The following CHM variants were observed in gnomAD, a reference collection of about 807,000 sequenced individuals.
The protein encoded by CHM is CHM Rab escort protein.
CHM carries 10 observed loss-of-function variants against 49.0 expected under a neutral mutation model. That is an observed-to-expected ratio of 0.20 (90% CI 0.13 to 0.35). CHM has a LOEUF of 0.35. Among genes scored for constraint, CHM ranks in the 10% least tolerant of loss-of-function variants. The pLI, the probability that CHM is intolerant of heterozygous loss-of-function variation, is 1.00. For missense variants in CHM, 455 were observed against 478.4 expected, an observed-to-expected ratio of 0.95 and a Z score of 0.46; for synonymous variants, 184 against 167.5, an observed-to-expected ratio of 1.10 and a Z score of -0.76.
intron 4 of CHM, among the ~76,000 whole-genome samples, chrX:85,973,300 C>CAAAAAA (rs58103002): frequency 0.022 from 359 of 16,336 alleles, 69 homozygotes; most frequent in Admixed American, 0.024. Context: ...TCTGTCTCGA[C>CAAAAAA]AAAAAAAAAA....
At chrX:86,040,230 G>A (rs61060229) in intron 1 of CHM, among the ~76,000 whole-genome samples, 5,101 of 111,933 alleles carry the variant, frequency 0.046, 124 homozygotes, top group African/African-American at 0.099. Flanking sequence ...CACCACCCCC[G>A]GAGATGCTAC....
chrX:85,963,272 TTCA>T (rs1423012105), intron 5 of CHM, among the ~76,000 whole-genome samples: 28 of 112,035 alleles, frequency 2.5e-4, no homozygotes, highest in African/African-American at 9.1e-4. Flanking sequence ...ATTCTGAGTA[TTCA>T]TCATCATACA....
At chrX:85,994,181 C>CA (rs2147734914) in intron 2 of CHM, among the ~76,000 whole-genome samples, 1 of 112,392 alleles carries the variant, frequency 8.9e-6, no homozygotes, top group South Asian at 3.7e-4. Context: ...AGCATGACCT[C>CA]AGTCAGTAAT....
chrX:86,020,559 CATATTACAAATAT>C (rs1286543462), intron 2 of CHM, among the ~76,000 whole-genome samples: 2 of 105,660 alleles, frequency 1.9e-5, no homozygotes, highest in Non-Finnish European at 1.9e-5. Context: ...ACAAAATATA[CATATTACAAATAT>C]ATATTACAAA....
chrX:85,957,537 T>C (rs1468375137), intron 7 of CHM, among the ~76,000 whole-genome samples: 1 of 111,282 alleles, frequency 9.0e-6, no homozygotes, highest in Non-Finnish European at 1.9e-5. Flanking sequence ...TTGACAGTAG[T>C]ATTTAAATAA....
chrX:85,898,319 AC>A, intron 11 of CHM, among the ~76,000 whole-genome samples: 1 of 111,163 alleles, frequency 9.0e-6, no homozygotes, highest in East Asian at 2.8e-4. Context: ...AAATGCATTC[AC>A]CCTCTGGTTT....
At chrX:85,959,459 G>A (rs1302135005) in intron 5 of CHM, among the ~76,000 whole-genome samples, 7 of 110,679 alleles carry the variant, frequency 6.3e-5, no homozygotes, top group Admixed American at 3.9e-4. Context: ...CACAAAGCCA[G>A]GTAGTTATAA....
chrX:85,980,846 G>C (rs1473862272), intron 3 of CHM, among the ~76,000 whole-genome samples: 2 of 110,382 alleles, frequency 1.8e-5, no homozygotes, highest in Non-Finnish European at 1.9e-5. Context: ...CAACAGCTTA[G>C]TATTGAGATC....
At chrX:85,987,320 C>A (rs187794116) in intron 2 of CHM, among the ~76,000 whole-genome samples, 282 of 111,569 alleles carry the variant, frequency 2.5e-3, no homozygotes, top group Middle Eastern at 4.6e-3. Context: ...AAAACCCCTG[C>A]AAGATTCTAC....
chrX:85,968,744 T>C (rs1245581900), intron 4 of CHM, among the ~76,000 whole-genome samples: 1 of 112,125 alleles, frequency 8.9e-6, no homozygotes, highest in East Asian at 2.8e-4. Flanking sequence ...CTGGCAAACA[T>C]CTTGTAACTC....
At chrX:86,021,935 T>G (rs765029440) in intron 2 of CHM, among the ~76,000 whole-genome samples, 2 of 111,866 alleles carry the variant, frequency 1.8e-5, no homozygotes, top group South Asian at 7.4e-4. Flanking sequence ...AAGACAAATA[T>G]AGTGCTGCAT....
chrX:86,035,786 CA>C (rs1381370752), intron 1 of CHM, among the ~76,000 whole-genome samples: 266 of 99,216 alleles, frequency 2.7e-3, no homozygotes, highest in African/African-American at 8.9e-3. Flanking sequence ...GAAAAGAGTT[CA>C]TTTTTTTTTT....
intron 2 of CHM, among the ~76,000 whole-genome samples, chrX:85,990,139 C>A (rs184680012): frequency 1.8e-5 from 2 of 112,173 alleles, no homozygotes; most frequent in East Asian, 5.6e-4. Flanking sequence ...GCATATACAC[C>A]ATGGAATACT....
intron 8 of CHM, among the ~76,000 whole-genome samples, chrX:85,938,811 GAT>G (rs937669631): frequency 9.1e-6 from 1 of 110,283 alleles, no homozygotes; most frequent in African/African-American, 3.3e-5. Flanking sequence ...ATTTTAAGCT[GAT>G]ATATGTGTGT....
chrX:85,998,982 AG>A (rs1186776135), intron 2 of CHM, among the ~76,000 whole-genome samples: 46 of 111,598 alleles, frequency 4.1e-4, no homozygotes, highest in African/African-American at 1.4e-3. Context: ...TTATAATTAC[AG>A]AAAAAAAGGT....
chrX:85,885,069 G>A (rs1180774845), intron 12 of CHM, among the ~76,000 whole-genome samples: 1 of 110,518 alleles, frequency 9.0e-6, no homozygotes, highest in Non-Finnish European at 1.9e-5. Context: ...ATGCTCAATG[G>A]GAAGTAAAAG....
chrX:86,042,134 T>TGCC (rs1164998267), intron 1 of CHM, among the ~76,000 whole-genome samples: 1 of 111,208 alleles, frequency 9.0e-6, no homozygotes, highest in Non-Finnish European at 1.9e-5. Context: ...GTCAATGAGC[T>TGCC]GCCAGTCAAG....
At chrX:85,959,357 T>A (rs1930174882) in intron 5 of CHM, among the ~76,000 whole-genome samples, 1 of 107,329 alleles carries the variant, frequency 9.3e-6, no homozygotes. Context: ...TATCAGTATA[T>A]GTACTTCATT....
chrX:86,035,787 ATTTTTTTTTTTTTTT>A lies in CHM; in HGVS notation c.50-8245_50-8231del, dbSNP rs1172786407. On this transcript the variant is annotated intron_variant, in intron 1 of 14. Transcript: ENST00000357749. ...AAGATACTGTCGACGAAAAGAGTTC[ATTTTTTTTTTTTTTT>A]TTTTTTTTTGAGATGGAGCCTCGCT... Among the ~76,000 whole-genome samples the A allele has an allele frequency of 1.3e-4, 10 of 76,776 alleles. No individual in the cohort carries two copies. The East Asian group carries it at 2.4e-3, about 19-fold the overall frequency. The allele number at this position is 76,776 out of a possible 115,157, so 66.7% of individuals were successfully genotyped here.
Sources: gnomAD v4.1 joint callset for allele counts (sites outside exome capture counted in the v4.1 genomes callset) on GRCh38, gnomAD v4.1.1 for gene constraint, MANE v1.5 for transcripts, NCBI Gene and HGNC (gene_info 2026-07-23, HGNC 2026-07-21) for gene names.